SLC22A25: variants seen among roughly 807,000 people sequenced by gnomAD.
SLC22A25 encodes solute carrier family 22 member 25, also known as MGI:2442751, MGI:2385316, MGI:3042283, MGI:3645714, MGI:3605624, MGI:2442750.
A neutral mutation model predicts 45.9 loss-of-function variants in SLC22A25; 44 were observed. That is an observed-to-expected ratio of 0.96 (90% confidence interval 0.75 to 1.23). SLC22A25 has a LOEUF of 1.23. SLC22A25 is among the 50% of genes most tolerant of loss of function. The pLI, the probability that SLC22A25 is intolerant of heterozygous loss-of-function variation, is 0.00. For missense variants in SLC22A25, 800 were observed against 666.4 expected, an observed-to-expected ratio of 1.20 and a Z score of -2.21; for synonymous variants, 283 against 238.6, an observed-to-expected ratio of 1.19 and a Z score of -1.72.
Position 63,223,127 on chromosome 11 carries a change from T to G in SLC22A25, c.506+5334A>C, listed in dbSNP as rs2089888377. The stretch of plus-strand genomic sequence containing the variant: ...TCTTTGTCTGGTTTTGGTATCTGTG[T>G]AATACTAACCTTGTATTATGAGTTT... On this transcript the variant is annotated intron_variant, in intron 5 of 11. Transcript: ENST00000306494. Among the ~76,000 whole-genome samples the G allele has an allele frequency of 6.6e-5, 10 of 152,088 alleles. No homozygotes were observed. The South Asian group carries it at 2.1e-3, about 31-fold the overall frequency.
chr11:63,172,009 G>C (rs987249189), intron 9 of SLC22A25, among the ~76,000 whole-genome samples: 1 of 151,980 alleles, frequency 6.6e-6, no homozygotes, highest in Non-Finnish European at 1.5e-5. Context: ...CTACCATCTC[G>C]TCTTTGACAA....
At chr11:63,203,311 C>T (rs1056113940) in intron 7 of SLC22A25, among the ~76,000 whole-genome samples, 1 of 151,876 alleles carries the variant, frequency 6.6e-6, no homozygotes, top group Non-Finnish European at 1.5e-5. Context: ...ATGAGCTTGA[C>T]AAATGGACAG....
chr11:63,233,852 T>C (rs1374805727), intron 3 of SLC22A25, among the ~76,000 whole-genome samples: 4 of 152,242 alleles, frequency 2.6e-5, no homozygotes, highest in Non-Finnish European at 4.4e-5. Context: ...TTCTCATTGG[T>C]TTCAAAGAAC....
intron 1 of SLC22A25, among the ~76,000 whole-genome samples, chr11:63,240,760 A>G (rs973788944): frequency 8.5e-5 from 13 of 152,172 alleles, no homozygotes; most frequent in Non-Finnish European, 1.8e-4. Flanking sequence ...CCATCTTCAC[A>G]TCTTGTCTCA....
chr11:63,177,105 C>A (rs1280475600), intron 9 of SLC22A25, among the ~76,000 whole-genome samples: 2 of 151,922 alleles, frequency 1.3e-5, no homozygotes, highest in Non-Finnish European at 2.9e-5. Context: ...GAAAACAAAC[C>A]AAAGTCTTAT....
rs890401044 is a variant in SLC22A25, at chr11:63,159,680, A to G, written c.*4144T>C. 8.9e-6 allele frequency among the ~76,000 whole-genome samples: 1 copy of G among 112,138 alleles called. No individual in the cohort carries two copies. Among genetic ancestry groups the G allele is most frequent in the African/African-American group, 3.4e-5 (1 of 29,520 alleles). The allele number at this position is 112,138 out of a possible 152,430, so 73.6% of individuals were successfully genotyped here. On this transcript the variant is annotated 3_prime_UTR_variant, in exon 12 of 12. Transcript: ENST00000306494. ...AGTGCTTCTGTAAAGATACCCACAA[A>G]TGTGGAAGCAACTTTGGAACTGGGG...
At chr11:63,168,368 C>A (rs923447038) in intron 9 of SLC22A25, among the ~76,000 whole-genome samples, 10 of 152,100 alleles carry the variant, frequency 6.6e-5, no homozygotes, top group Admixed American at 6.5e-4. Context: ...AACAAACTCC[C>A]CTGAGCTAAA....
In SLC22A25 at chr11:63,236,251, C is replaced by T. The variant is rs545711792; in HGVS notation, c.-445+1630G>A. On this transcript the variant is annotated intron_variant, in intron 3 of 11. Coordinates refer to ENST00000306494, the MANE Select transcript of SLC22A25 (RefSeq NM_199352.6). ...GCCCTGCCCCCAGAGGTGGAGCCTA[C>T]AGAAGCAGGCAGGCCTCCTTGAGAT... is the stretch of plus-strand genomic sequence containing the variant. 5.3e-4 allele frequency among the ~76,000 whole-genome samples: 80 copies of T among 152,320 alleles called. 1 individual carries two copies. The highest frequency in any genetic ancestry group is 1.8e-3 in the African/African-American group (76 of 41,570).
chr11:63,201,390 A>T (rs1034158184), intron 7 of SLC22A25, among the ~76,000 whole-genome samples: 7 of 152,226 alleles, frequency 4.6e-5, no homozygotes, highest in African/African-American at 1.4e-4. Context: ...AAAACTGACA[A>T]AAACAAGCAA....
In SLC22A25 at chr11:63,160,211, G is replaced by A. The variant is rs1290484405; in HGVS notation, c.*3613C>T. On this transcript the variant is annotated 3_prime_UTR_variant, in exon 12 of 12. Transcript: ENST00000306494. ...AATGGGGAAAATGTCTCCAGGGCAT[G>A]TCAGAGACCTTTGTGACAGCCCTTC... Among the ~76,000 whole-genome samples the A allele has an allele frequency of 1.3e-5, 2 of 152,246 alleles. No individual in the cohort carries two copies. The highest frequency in any genetic ancestry group is 2.9e-5 in the Non-Finnish European group (2 of 68,050).
intron 1 of SLC22A25, among the ~76,000 whole-genome samples, chr11:63,239,904 T>C (rs879650162): frequency 6.6e-6 from 1 of 152,198 alleles, no homozygotes; most frequent in African/African-American, 2.4e-5. Context: ...GGTACTTAAA[T>C]ATTCACACTC....
chr11:63,164,009 T>C lies in SLC22A25; in HGVS notation c.1459A>G (p.Met487Val). ...GGTCGAGAATATATGCTTAGGATCA[T>C]CATGAGGGAAGCCAGGGCTCCCCCA... The part of the protein sequence containing the change: ...NIGGALASLM[M>V]ILSIYSRPLP... Residue 487 changes from methionine (M) to valine (V), a missense_variant, in exon 12 of 12, where the codon ATG becomes GTG. Met to Val is a conservative substitution (Grantham distance 21). Transcript: ENST00000306494. 6.2e-7 allele frequency: 1 copy of C among 1,613,470 alleles called. No homozygotes were observed. Among genetic ancestry groups the C allele is most frequent in the Non-Finnish European group, 8.5e-7 (1 of 1,179,716 alleles).
intron 7 of SLC22A25, among the ~76,000 whole-genome samples, chr11:63,203,291 T>C (rs189480396): frequency 2.0e-4 from 31 of 152,030 alleles, no homozygotes; most frequent in African/African-American, 7.5e-4. Context: ...GGAACAAAAC[T>C]GGACACAGAA....
chr11:63,185,172 A>C (rs2088479872), intron 7 of SLC22A25, among the ~76,000 whole-genome samples: 1 of 152,164 alleles, frequency 6.6e-6, no homozygotes, highest in Non-Finnish European at 1.5e-5. Flanking sequence ...GGTTTAGGGT[A>C]CATGTGCACA....
intron 7 of SLC22A25, among the ~76,000 whole-genome samples, chr11:63,212,691 A>T (rs1458656976): frequency 6.6e-6 from 1 of 150,906 alleles, no homozygotes; most frequent in Non-Finnish European, 1.5e-5. Flanking sequence ...GGGGAGGGAT[A>T]GCCTAATGTT....
chr11:63,183,154 G>T (rs977188177), intron 8 of SLC22A25, among the ~76,000 whole-genome samples: 1 of 152,098 alleles, frequency 6.6e-6, no homozygotes, highest in Non-Finnish European at 1.5e-5. Flanking sequence ...CTTATAGTAA[G>T]TAGAAGAAAC....
Position 63,217,283 on chromosome 11 carries a change from A to G in SLC22A25, c.830+31T>C, listed in dbSNP as rs1476153246. Reference sequence around the variant, plus strand: ...ATGTACATCTGCATTCAAGGATGTCATATGGCAAAAGAAGAATGCAAGCTC... The same window carrying G: ...ATGTACATCTGCATTCAAGGATGTCGTATGGCAAAAGAAGAATGCAAGCTC... On this transcript the variant is annotated intron_variant, in intron 7 of 11. Coordinates refer to ENST00000306494, the MANE Select transcript of SLC22A25 (RefSeq NM_199352.6). 14 of 1,604,478 alleles carry G rather than the reference A, an allele frequency of 8.7e-6. No homozygotes were observed. The South Asian group carries it at 1.6e-4, about 18-fold the overall frequency.
At chr11:63,224,971 C>T (rs11231416) in intron 5 of SLC22A25, among the ~76,000 whole-genome samples, 55,285 of 151,446 alleles carry the variant, frequency 0.37, 10,313 homozygotes, top group East Asian at 0.56. Context: ...TGGTGGCGGG[C>T]GCCTGTAGTC....
intron 7 of SLC22A25, among the ~76,000 whole-genome samples, chr11:63,197,284 GC>G (rs2089074959): frequency 1.3e-5 from 2 of 152,198 alleles, no homozygotes; most frequent in South Asian, 4.2e-4. Context: ...CCAAAAAAGA[GC>G]CCACATTGCC....
Sources: gnomAD v4.1 joint callset for allele counts (sites outside exome capture counted in the v4.1 genomes callset) on GRCh38, gnomAD v4.1.1 for gene constraint, MANE v1.5 for transcripts, NCBI Gene and HGNC (gene_info 2026-07-23, HGNC 2026-07-21) for gene names.